The following LIG1 variants were observed in gnomAD, a reference collection of about 807,000 sequenced individuals.
LIG1 encodes DNA ligase 1, also known as ligase I, DNA, ATP-dependent.
LIG1 carries 70 observed loss-of-function variants against 115.7 expected under a neutral mutation model. That is an observed-to-expected ratio of 0.60 (90% CI 0.50 to 0.74). The LOEUF (loss-of-function observed/expected upper bound fraction) is 0.74, where lower values mean the gene tolerates loss of function less well. Among genes scored for constraint, LIG1 ranks in the 30% least tolerant of loss-of-function variants. The pLI, the probability that LIG1 is intolerant of heterozygous loss-of-function variation, is 0.00. For missense variants in LIG1, 1,115 were observed against 1,225.6 expected, an observed-to-expected ratio of 0.91 and a Z score of 1.35; for synonymous variants, 487 against 495.3, an observed-to-expected ratio of 0.98 and a Z score of 0.22.
rs1023425129 is a variant in LIG1 at position 48,121,248 on chromosome 19, C to T, written c.2307G>A (p.Gly769=). 3.1e-6 allele frequency: 5 copies of T among 1,613,470 alleles called. No individual in the cohort carries two copies. Among genetic ancestry groups the T allele is most frequent in the African/African-American group, 1.3e-5 (1 of 74,932 alleles). ...AGCCCCCGTACCGGCCGGCCCGCTT[C>T]CCCCGGCCCAGGTAGGCGCCGATCA... The part of the protein sequence containing the change: ...LVVIGAYLGR[G]KRAGRYGGFL... Residue 769 remains glycine, a synonymous_variant, in exon 24 of 28, where the codon GGG becomes GGA. Coordinates refer to ENST00000263274, the MANE Select transcript of LIG1 (RefSeq NM_000234.3).
chr19:48,162,519 C>G (rs55966889), intron 2 of LIG1, among the ~76,000 whole-genome samples, 168 bp from the exon 3 acceptor site: 6 of 151,204 alleles, frequency 4.0e-5, no homozygotes, highest in Admixed American at 4.0e-4. Context: ...CTGCAAGCTC[C>G]GCCTCCTGGG....
intron 2 of LIG1, 90 bp downstream of exon 2, chr19:48,165,459 GT>G: frequency 9.5e-7 from 1 of 1,056,904 alleles, no homozygotes; most frequent in Non-Finnish European, 1.5e-6. Flanking sequence ...AAGAGTTTTT[GT>G]TTGTTTGTTT....
chr19:48,140,711 G>A (rs763066817), intron 11 of LIG1, among the ~76,000 whole-genome samples: 1 of 152,094 alleles, frequency 6.6e-6, no homozygotes, highest in African/African-American at 2.4e-5. Flanking sequence ...CACCCAGACT[G>A]TAATCTGGCT....
intron 1 of LIG1, 59 bp from the exon 2 acceptor site, chr19:48,165,682 C>G: frequency 8.9e-7 from 1 of 1,124,342 alleles, no homozygotes; most frequent in Non-Finnish European, 1.3e-6. Context: ...TCTAAACACA[C>G]ATAAAACCCT....
intron 1 of LIG1, among the ~76,000 whole-genome samples, chr19:48,167,825 TAAA>T (rs776208781): frequency 4.4e-5 from 5 of 113,722 alleles, no homozygotes; most frequent in Non-Finnish European, 7.6e-5. Flanking sequence ...GACCCCGTCT[TAAA>T]AAAAAAAAAA....
chr19:48,134,286 AT>A, intron 16 of LIG1, among the ~76,000 whole-genome samples: 1 of 152,022 alleles, frequency 6.6e-6, no homozygotes, highest in Non-Finnish European at 1.5e-5. Flanking sequence ...CCTGTTCCCT[AT>A]CTGTCACCAC....
rs753024168 is a variant in LIG1, at chr19:48,131,101, G to A, written c.1796C>T (p.Pro599Leu). ...CTTGGGGATGCGGCTGATGATGTCC[G>A]GGTACTTCCCAGTGTTGTCTTCCTG... ...RNQEDNTGKY[P>L]DIISRIPKIK... Residue 599 changes from proline to leucine, a missense_variant, in exon 19 of 28, where the codon CCG (proline) becomes CTG (leucine). By Grantham distance (98) the Pro-to-Leu change is moderately conservative. Transcript: ENST00000263274. The A allele has an allele frequency of 8.1e-6, 13 of 1,613,978 alleles. No individual in the cohort carries two copies. The highest frequency in any genetic ancestry group is 4.5e-5 in the East Asian group (2 of 44,884).
chr19:48,163,817 C>T (rs968209136), intron 2 of LIG1, among the ~76,000 whole-genome samples: 1 of 151,696 alleles, frequency 6.6e-6, no homozygotes, highest in Non-Finnish European at 1.5e-5. Flanking sequence ...TGGTGGCAGG[C>T]GCCTGTAGTC....
intron 12 of LIG1, among the ~76,000 whole-genome samples, chr19:48,138,062 C>T (rs3730962): frequency 0.015 from 2,311 of 152,256 alleles, 61 homozygotes; most frequent in African/African-American, 0.051. Flanking sequence ...ACCCTTTCCT[C>T]TGGCGGGTCA....
chr19:48,159,352 G>A (rs1486039278), intron 4 of LIG1, among the ~76,000 whole-genome samples: 1 of 137,790 alleles, frequency 7.3e-6, no homozygotes, highest in Non-Finnish European at 1.5e-5. Flanking sequence ...TTACAGGCGT[G>A]AGCCATCATG....
chr19:48,158,453 G>C (rs966590983), intron 4 of LIG1, among the ~76,000 whole-genome samples: 2 of 152,250 alleles, frequency 1.3e-5, no homozygotes, highest in African/African-American at 4.8e-5. Flanking sequence ...TCTTGCCTAA[G>C]CCACTGCTAC....
chr19:48,149,671 G>A (rs2035341914), intron 9 of LIG1, 92 bp downstream of exon 9: 1 of 987,470 alleles, frequency 1.0e-6, no homozygotes, highest in African/African-American at 1.6e-5. Flanking sequence ...AGTCCTGCAA[G>A]AGGAGGAAGC....
intron 1 of LIG1, among the ~76,000 whole-genome samples, chr19:48,168,709 T>A (rs2036603518): frequency 6.6e-6 from 1 of 152,176 alleles, no homozygotes; most frequent in South Asian, 2.1e-4. Context: ...AGGGTTAAAA[T>A]TAAATGAATG....
chr19:48,158,111 C>T (rs1322755371), intron 4 of LIG1, among the ~76,000 whole-genome samples: 1 of 152,214 alleles, frequency 6.6e-6, no homozygotes, highest in Admixed American at 6.5e-5. Flanking sequence ...CTGAGGCTCT[C>T]ACCAGAAGCA....
At chr19:48,161,813 T>C (rs1043109360) in intron 3 of LIG1, among the ~76,000 whole-genome samples, 3 of 146,952 alleles carry the variant, frequency 2.0e-5, no homozygotes, top group African/African-American at 7.6e-5. Flanking sequence ...GTCTCCAGCA[T>C]CTATTGGGAT....
At chr19:48,140,444 G>A (rs140691168) in intron 11 of LIG1, among the ~76,000 whole-genome samples, 6 of 152,306 alleles carry the variant, frequency 3.9e-5, no homozygotes, top group African/African-American at 1.4e-4. Flanking sequence ...GGCATAGGCA[G>A]AACTAACTTT....
chr19:48,116,979 C>T (rs2032885041), intron 26 of LIG1, among the ~76,000 whole-genome samples: 1 of 152,038 alleles, frequency 6.6e-6, no homozygotes, highest in African/African-American at 2.4e-5. Context: ...TCTACAGGCA[C>T]GGGTCACCAT....
rs200644453 is a variant in LIG1, at chr19:48,123,250, G to A, written c.2073C>T (p.Gly691=). The A allele has an allele frequency of 2.8e-5, 45 of 1,614,092 alleles. No individual in the cohort carries two copies. In the East Asian group the frequency reaches 6.7e-4, roughly 24 times the overall value. The change falls in exon 22 of 28, where the codon GGC becomes GGT. Residue 691 remains glycine, a synonymous_variant. Transcript: ENST00000263274. ...CCAGGGAGGTGGCGAAGACAAACTC[G>A]CCCTCTGTCTCCACAAAGTTCTCCC... ...LLRENFVETE[G]EFVFATSLDT...
intron 9 of LIG1, among the ~76,000 whole-genome samples, chr19:48,144,198 A>T (rs2034968792): frequency 6.6e-6 from 1 of 152,200 alleles, no homozygotes. Flanking sequence ...TTCAGAAAAC[A>T]AAAGAAAGCC....
Sources: allele counts gnomAD v4.1 joint callset (sites outside exome capture counted in the v4.1 genomes callset), GRCh38; gene constraint gnomAD v4.1.1; transcripts MANE v1.5; gene names NCBI Gene and HGNC (gene_info 2026-07-23, HGNC 2026-07-21).